Variants in PCDHA3 observed in about 807,000 individuals in gnomAD.
PCDHA3 encodes protocadherin alpha 3.
PCDHA3 carries 41 observed loss-of-function variants against 62.2 expected under a neutral mutation model. The ratio of observed to expected loss-of-function variants is 0.66; its 90% CI spans 0.51 to 0.86. The LOEUF is 0.86. Among genes scored for constraint, PCDHA3 ranks in the 40% least tolerant of loss-of-function variants. The pLI, the probability that PCDHA3 is intolerant of heterozygous loss-of-function variation, is 0.00. For missense variants in PCDHA3, 1,304 were observed against 1,241.2 expected, an observed-to-expected ratio of 1.05 and a Z score of -0.76; for synonymous variants, 640 against 555.4, an observed-to-expected ratio of 1.15 and a Z score of -2.14.
intron 1 of PCDHA3, among the ~76,000 whole-genome samples, chr5:140,900,051 C>G (rs1489382607): frequency 6.6e-6 from 1 of 152,168 alleles, no homozygotes; most frequent in African/African-American, 2.4e-5. Flanking sequence ...CTCAAGTGAT[C>G]CTTTAACCTC....
intron 1 of PCDHA3, chr5:140,927,906 CG>C: frequency 6.2e-7 from 1 of 1,614,180 alleles, no homozygotes. Context: ...ATCATGCCCC[CG>C]AACTGGACTT....
In PCDHA3 at chr5:140,802,944, C is replaced by A. The variant is rs375111738; in HGVS notation, c.1747C>A (p.Arg583=). ...IGGAVSELVP[R]SVGAGHVVAK... The stretch of plus-strand genomic sequence containing the variant: ...TGGCGCAGTGAGCGAGCTGGTGCCG[C>A]GGTCAGTGGGTGCGGGCCACGTGGT... The change falls in exon 1 of 4, where the codon CGG becomes AGG. Residue 583 remains arginine, a synonymous_variant. Coordinates refer to ENST00000522353, the MANE Select transcript of PCDHA3 (RefSeq NM_018906.3). 8.7e-6 allele frequency: 14 copies of A among 1,613,866 alleles called. No individual in the cohort carries two copies. Among genetic ancestry groups the A allele is most frequent in the African/African-American group, 5.3e-5 (4 of 75,058 alleles).
intron 1 of PCDHA3, chr5:140,830,545 CAT>C: frequency 8.7e-7 from 1 of 1,153,858 alleles, no homozygotes; most frequent in Non-Finnish European, 1.2e-6. Context: ...TTGTTTTCCT[CAT>C]ATTTGTCTTC....
intron 1 of PCDHA3, chr5:140,805,340 T>G (rs1435472506): frequency 8.2e-7 from 1 of 1,225,896 alleles, no homozygotes; most frequent in Non-Finnish European, 1.0e-6. Flanking sequence ...TCAATGATCA[T>G]TTTGTAAAAA....
chr5:140,832,113 T>G (rs1554133464), intron 1 of PCDHA3, among the ~76,000 whole-genome samples: 1 of 152,230 alleles, frequency 6.6e-6, no homozygotes, highest in Non-Finnish European at 1.5e-5. Flanking sequence ...TAAAAGCAAT[T>G]TAAAATGTGT....
At chr5:140,933,003 G>A (rs1466484630) in intron 1 of PCDHA3, among the ~76,000 whole-genome samples, 5 of 151,902 alleles carry the variant, frequency 3.3e-5, no homozygotes, top group East Asian at 1.9e-4. Flanking sequence ...TATGAATATC[G>A]GAAATATTAA....
At chr5:140,891,400 G>A (rs1220760247) in intron 1 of PCDHA3, among the ~76,000 whole-genome samples, 1 of 150,966 alleles carries the variant, frequency 6.6e-6, no homozygotes, top group Non-Finnish European at 1.5e-5. Flanking sequence ...TTTATCCCTC[G>A]CCACCCCCCA....
chr5:140,927,769 G>A (rs1471080821), intron 1 of PCDHA3: 4 of 1,614,084 alleles, frequency 2.5e-6, no homozygotes, highest in African/African-American at 2.7e-5. Context: ...AAGTGGGGAG[G>A]TGCAAGTAGC....
rs2150225507 is a variant in PCDHA3 at position 140,834,752 on chromosome 5, G to A, written c.2394+31161G>A. The stretch of plus-strand genomic sequence containing the variant: ...AGGTTTTCCATGTGGACGTGGAGGT[G>A]AAGGACATTAACGACAACCCTCCGG... On this transcript the variant is annotated intron_variant, in intron 1 of 3. Coordinates refer to ENST00000522353, the MANE Select transcript of PCDHA3 (RefSeq NM_018906.3). The A allele has an allele frequency of 1.1e-5, 17 of 1,614,188 alleles. No homozygotes were observed. In the Admixed American group the frequency reaches 2.7e-4, roughly 25 times the overall value.
intron 1 of PCDHA3, among the ~76,000 whole-genome samples, chr5:140,963,268 T>C (rs1329086504): frequency 6.6e-6 from 1 of 152,042 alleles, no homozygotes; most frequent in African/African-American, 2.4e-5. Flanking sequence ...GACTTTGAAA[T>C]GTATGTAAGA....
At chr5:140,836,296 A>G (rs1294221854) in intron 1 of PCDHA3, 1 of 1,613,690 alleles carries the variant, frequency 6.2e-7, no homozygotes, top group Non-Finnish European at 8.5e-7. Flanking sequence ...CGAGCCCTAG[A>G]TGAGACGGAC....
chr5:140,835,503 G>C (rs1554135018), intron 1 of PCDHA3: 1 of 1,613,792 alleles, frequency 6.2e-7, no homozygotes, highest in East Asian at 2.2e-5. Flanking sequence ...ATTGATTAGC[G>C]TGTTTGACCG....
intron 1 of PCDHA3, chr5:140,871,009 C>T (rs1288290775): frequency 1.9e-6 from 3 of 1,613,246 alleles, no homozygotes; most frequent in African/African-American, 2.7e-5. Flanking sequence ...AACGCGTGCC[C>T]TGGACGAGGC....
intron 1 of PCDHA3, chr5:140,836,168 T>A: frequency 1.2e-6 from 2 of 1,613,802 alleles, no homozygotes; most frequent in Non-Finnish European, 1.7e-6. Flanking sequence ...CGAAGGTACG[T>A]GCAGTTGACG....
rs185057371 is a variant in PCDHA3, at chr5:140,832,952, A to T, written c.2394+29361A>T. Among the ~76,000 whole-genome samples, 141 of 152,318 alleles carry T rather than the reference A, an allele frequency of 9.3e-4. 1 individual carries two copies. Among genetic ancestry groups the T allele is most frequent in the African/African-American group, 3.3e-3 (136 of 41,588 alleles). Reference sequence around the variant, plus strand: ...TGAGAAGAGAGTAACTTAAGTGAGTATACAGAAAATTCCAAATGTACCTAG... The same window carrying T: ...TGAGAAGAGAGTAACTTAAGTGAGTTTACAGAAAATTCCAAATGTACCTAG... On this transcript the variant is annotated intron_variant, in intron 1 of 3. Coordinates refer to ENST00000522353, the MANE Select transcript of PCDHA3 (RefSeq NM_018906.3).
At chr5:140,956,953 CTG>C (rs1217178036) in intron 1 of PCDHA3, among the ~76,000 whole-genome samples, 2 of 135,202 alleles carry the variant, frequency 1.5e-5, no homozygotes, top group African/African-American at 2.6e-5. Flanking sequence ...CATTAAAACA[CTG>C]TAATTAATCA....
chr5:140,974,328 C>G (rs2096623040), intron 1 of PCDHA3, among the ~76,000 whole-genome samples: 1 of 152,198 alleles, frequency 6.6e-6, no homozygotes, highest in Admixed American at 6.5e-5. Flanking sequence ...AGCTGCTGTG[C>G]TAGCAGGCTA....
At chr5:141,006,894 A>G (rs781832084) in intron 3 of PCDHA3, among the ~76,000 whole-genome samples, 6 of 152,212 alleles carry the variant, frequency 3.9e-5, no homozygotes, top group African/African-American at 7.2e-5. Context: ...TTGATTTCAG[A>G]TTTCTTCAGT....
In PCDHA3 at chr5:141,010,279, A is replaced by T. The variant is rs2098416787; in HGVS notation, c.*342A>T. 2.6e-6 allele frequency: 4 copies of T among 1,551,490 alleles called. No homozygotes were observed. The highest frequency in any genetic ancestry group is 3.5e-6 in the Non-Finnish European group (4 of 1,146,936). ...CCTGTGCTCCGGGGATCCTGTCTTG[A>T]TGACACTTGCAGGGCAGGCTGAAAA... On this transcript the variant is annotated 3_prime_UTR_variant, in exon 4 of 4. Coordinates refer to ENST00000522353, the MANE Select transcript of PCDHA3 (RefSeq NM_018906.3).
Sources: gnomAD v4.1 joint callset for allele counts (sites outside exome capture counted in the v4.1 genomes callset) on GRCh38, gnomAD v4.1.1 for gene constraint, MANE v1.5 for transcripts, NCBI Gene and HGNC (gene_info 2026-07-23, HGNC 2026-07-21) for gene names.